Variants in FEZ1 observed in about 807,000 individuals in gnomAD.
The protein encoded by FEZ1 is fasciculation and elongation protein zeta 1.
In FEZ1, 20 loss-of-function variants were observed where a neutral mutation model predicts 49.3. The ratio of observed to expected loss-of-function variants is 0.41; its 90% CI spans 0.29 to 0.59. FEZ1 has a LOEUF of 0.59. Among genes scored for constraint, FEZ1 ranks in the 20% least tolerant of loss-of-function variants. The pLI, the probability that FEZ1 is intolerant of heterozygous loss-of-function variation, is 0.36. For synonymous variants in FEZ1, 170 were observed against 180.9 expected (o/e 0.94, Z 0.48); for missense variants, 413 against 476.0 (o/e 0.87, Z 1.23).
chr11:125,489,050 G>A lies in FEZ1; in HGVS notation c.311+417C>T, dbSNP rs982167319. ...AGGCCTGAGGGGCTGTCAAAAATTC[G>A]GGATTTTCAAAATTCTGGTGTTTCT... On this transcript the variant is annotated intron_variant, in intron 2 of 9. Transcript: ENST00000278919. This position sits in a 1 kb window ranked among gnomAD's most constrained non-coding sequence, Gnocchi z 4.2. 3.1e-5 allele frequency: 31 copies of A among 986,456 alleles called. No homozygotes were observed. In the African/African-American group the frequency reaches 4.0e-4, roughly 13 times the overall value. The allele number at this position is 986,456 out of a possible 1,614,324, so 61.1% of individuals were successfully genotyped here.
chr11:125,474,130 T>G (rs1310463435), intron 3 of FEZ1, among the ~76,000 whole-genome samples: 2 of 151,336 alleles, frequency 1.3e-5, no homozygotes, highest in Non-Finnish European at 2.9e-5. Flanking sequence ...GTTCAAGCAA[T>G]TCTCTTGCTT....
Position 125,444,698 on chromosome 11 carries a change from C to T in FEZ1, c.*1397G>A, listed in dbSNP as rs1956884461. 6.6e-6 allele frequency among the ~76,000 whole-genome samples: 1 copy of T among 152,042 alleles called. No individual in the cohort carries two copies. Among genetic ancestry groups the T allele is most frequent in the African/African-American group, 2.4e-5 (1 of 41,404 alleles). On this transcript the variant is annotated 3_prime_UTR_variant, in exon 10 of 10. Coordinates refer to ENST00000278919, the MANE Select transcript of FEZ1 (RefSeq NM_005103.5). Reference sequence around the variant, plus strand: ...GAGCTGCTGATGTGATAAAGTATGGCTTTCTCTGTGGCATGCTTAGTTCAA... The same window carrying T: ...GAGCTGCTGATGTGATAAAGTATGGTTTTCTCTGTGGCATGCTTAGTTCAA...
In FEZ1 at chr11:125,476,352, A is replaced by G. The variant is rs574878356; in HGVS notation, c.411+5182T>C. Among the ~76,000 whole-genome samples, 125 of 152,378 alleles carry G rather than the reference A, an allele frequency of 8.2e-4. 1 individual carries two copies. Among genetic ancestry groups the G allele is most frequent in the African/African-American group, 2.9e-3 (122 of 41,588 alleles). ...TCATGATGAAGTTGTGTGTATCTCA[A>G]GAATGCATGGTTGAGTTGACATTTG... On this transcript the variant is annotated intron_variant, in intron 3 of 9. Coordinates refer to ENST00000278919, the MANE Select transcript of FEZ1 (RefSeq NM_005103.5).
intron 2 of FEZ1, among the ~76,000 whole-genome samples, chr11:125,485,975 G>A (rs886893372): frequency 6.6e-6 from 1 of 152,060 alleles, no homozygotes; most frequent in African/African-American, 2.4e-5. Context: ...ATTATTAGCA[G>A]CACATTAATG....
chr11:125,454,353 G>C (rs1280655621), intron 6 of FEZ1, 143 bp from the exon 7 acceptor site: 3 of 533,188 alleles, frequency 5.6e-6, no homozygotes, highest in East Asian at 6.4e-5. Flanking sequence ...CTGGCTTACA[G>C]AGACAGGCCA....
At chr11:125,454,058 C>T in intron 7 of FEZ1, 72 bp downstream of exon 7, 2 of 970,952 alleles carry the variant, frequency 2.1e-6, no homozygotes, top group Non-Finnish European at 3.2e-6. Flanking sequence ...AGTCACTGTC[C>T]CCCTGCGTTG....
intron 8 of FEZ1, among the ~76,000 whole-genome samples, chr11:125,449,665 T>C (rs1460065617): frequency 6.6e-6 from 1 of 152,198 alleles, no homozygotes; most frequent in African/African-American, 2.4e-5. Context: ...GGGTCTGGCT[T>C]TTCTCAATGA....
Position 125,481,538 on chromosome 11 carries a change from G to C in FEZ1, c.407C>G (p.Thr136Ser). 1 of 1,601,080 alleles carries C rather than the reference G, an allele frequency of 6.2e-7. No homozygotes were observed. ...IEALNGNCSD[T>S]EIHEKEEEEF... ...CCAGGGGCCCCGGAGAGGTACCTCA[G>C]TGTCAGAGCAGTTGCCATTCAGAGC... The change falls in exon 3 of 10, where the codon ACT becomes AGT. Residue 136 changes from threonine (T) to serine (S), a missense_variant. By Grantham distance (58) the Thr-to-Ser change is moderately conservative. Coordinates refer to ENST00000278919, the MANE Select transcript of FEZ1 (RefSeq NM_005103.5).
rs984457871 is a variant in FEZ1 at position 125,471,039 on chromosome 11, A to T, written c.412-7469T>A. On this transcript the variant is annotated intron_variant, in intron 3 of 9. Transcript: ENST00000278919. ...ATTAATTCTAAATGGACTATGATTAATTAATAATGTATAGTGTAACCCCTA... is the reference window on the plus strand; with the variant it reads ...ATTAATTCTAAATGGACTATGATTATTTAATAATGTATAGTGTAACCCCTA... Among the ~76,000 whole-genome samples the T allele has an allele frequency of 2.6e-5, 4 of 152,198 alleles. 1 individual carries two copies. In the South Asian group the frequency reaches 8.3e-4, roughly 31 times the overall value.
At position 125,495,526 on chromosome 11, in the gene FEZ1, T is replaced by C. The variant is rs1030955429; in HGVS notation, c.-46+595A>G. On this transcript the variant is annotated intron_variant, in intron 1 of 9. Coordinates refer to ENST00000278919, the MANE Select transcript of FEZ1 (RefSeq NM_005103.5). This position sits in a 1 kb window ranked among gnomAD's most constrained non-coding sequence, Gnocchi z 4.2. The stretch of plus-strand genomic sequence containing the variant: ...GTAAAACAATCGCTCTCCCGGCGTC[T>C]GCGGCCGCTGCCAGCGGTTCTGACA... 5 of 471,094 alleles carry C rather than the reference T, an allele frequency of 1.1e-5. No individual in the cohort carries two copies. The highest frequency in any genetic ancestry group is 1.8e-5 in the Non-Finnish European group (4 of 227,030). The allele number at this position is 471,094 out of a possible 1,614,324, so 29.2% of individuals were successfully genotyped here. A position where few individuals can be genotyped will look rare whatever the true frequency, so the allele number is the denominator to read the frequency against.
At chr11:125,476,141 T>C (rs1042747180) in intron 3 of FEZ1, among the ~76,000 whole-genome samples, 1 of 152,266 alleles carries the variant, frequency 6.6e-6, no homozygotes, top group Non-Finnish European at 1.5e-5. Flanking sequence ...TGCCCAGAGA[T>C]TGGGCGGTGA....
At chr11:125,481,439 C>A (rs538585755) in intron 3 of FEZ1, 95 bp downstream of exon 3, 1 of 820,834 alleles carries the variant, frequency 1.2e-6, no homozygotes, top group Non-Finnish European at 2.2e-6. Flanking sequence ...GAGCCTCCAT[C>A]AACAATTTTG....
intron 3 of FEZ1, among the ~76,000 whole-genome samples, chr11:125,468,558 T>G (rs906619731): frequency 3.3e-5 from 5 of 152,074 alleles, no homozygotes; most frequent in African/African-American, 7.2e-5. Context: ...ACACAGGAGA[T>G]TGGGCACAAA....
intron 9 of FEZ1, 39 bp from the exon 10 acceptor site, chr11:125,446,150 C>T: frequency 1.2e-6 from 2 of 1,612,194 alleles, no homozygotes; most frequent in Non-Finnish European, 1.7e-6. Flanking sequence ...GGTCAGAACA[C>T]AGTTGCAGGT....
Position 125,444,585 on chromosome 11 carries a change from G to GA in FEZ1, c.*1509dup, listed in dbSNP as rs569238521. The stretch of plus-strand genomic sequence containing the variant: ...GAGCAACAAGAGTCAAACTCCGTCT[G>GA]AAAAAAAAAAAGCAGAGGCCCAGGA... On this transcript the variant is annotated 3_prime_UTR_variant, in exon 10 of 10. Coordinates refer to ENST00000278919, the MANE Select transcript of FEZ1 (RefSeq NM_005103.5). Among the ~76,000 whole-genome samples the GA allele has an allele frequency of 1.9e-3, 279 of 144,554 alleles. No homozygotes were observed. Among genetic ancestry groups the GA allele is most frequent in the South Asian group, 0.011 (49 of 4,544 alleles). 94.8% of individuals were successfully genotyped at this position (144,554 alleles called of 152,430 possible). A position where few individuals can be genotyped will look rare whatever the true frequency, so the allele number is the denominator to read the frequency against.
In FEZ1 at chr11:125,445,930, T is replaced by C; in HGVS notation, c.*165A>G. 1.4e-6 allele frequency: 1 copy of C among 735,154 alleles called. No homozygotes were observed. The highest frequency in any genetic ancestry group is 1.4e-5 in the South Asian group (1 of 72,238). The allele number at this position is 735,154 out of a possible 1,614,324, so 45.5% of individuals were successfully genotyped here. ...TCATGCATCCAATGATTACTAGCAC[T>C]AGAAGCCAACGGCAAAGGACCCCGC... On this transcript the variant is annotated 3_prime_UTR_variant, in exon 10 of 10. Transcript: ENST00000278919. This position sits in a 1 kb window ranked among gnomAD's most constrained non-coding sequence, Gnocchi z 4.4.
At chr11:125,446,363 A>G (rs913182090) in intron 9 of FEZ1, among the ~76,000 whole-genome samples, 3 of 152,230 alleles carry the variant, frequency 2.0e-5, no homozygotes, top group Non-Finnish European at 4.4e-5. Flanking sequence ...AGGGAAATTA[A>G]CTTCACCTTT....
Position 125,460,520 on chromosome 11 carries a change from G to A in FEZ1, c.645C>T (p.Phe215=), listed in dbSNP as rs372200287. ...CACCTTCATAGGACCAGTTGTTGTT[G>A]AAGGTCTGTGTCAATGCCTGCATCT... ...LQEMQALTQT[F]NNNWSYEGLR... Residue 215 remains phenylalanine (F), a synonymous_variant, in exon 5 of 10, where the codon TTC becomes TTT. Coordinates refer to ENST00000278919, the MANE Select transcript of FEZ1 (RefSeq NM_005103.5). The A allele has an allele frequency of 6.2e-7, 1 of 1,614,064 alleles. No individual in the cohort carries two copies. Among genetic ancestry groups the A allele is most frequent in the Non-Finnish European group, 8.5e-7 (1 of 1,179,990 alleles).
chr11:125,459,547 A>T (rs544480070), intron 5 of FEZ1, among the ~76,000 whole-genome samples: 142 of 152,322 alleles, frequency 9.3e-4, no homozygotes, highest in Non-Finnish European at 1.4e-3. Flanking sequence ...AGCCAAGATC[A>T]TGCCACTGCA....
Sources: allele counts gnomAD v4.1 joint callset (sites outside exome capture counted in the v4.1 genomes callset), GRCh38; gene constraint gnomAD v4.1.1; non-coding constraint Gnocchi (gnomAD v3.1); transcripts MANE v1.5; gene names NCBI Gene and HGNC (gene_info 2026-07-23, HGNC 2026-07-21).